USP6NL: variants seen among roughly 807,000 people sequenced by gnomAD.
The protein encoded by USP6NL is USP6 N-terminal-like protein.
USP6NL carries 26 observed loss-of-function variants against 61.9 expected under a neutral mutation model. The ratio of observed to expected loss-of-function variants is 0.42; its 90% CI spans 0.31 to 0.58. The LOEUF (loss-of-function observed/expected upper bound fraction) is 0.58, where lower values mean the gene tolerates loss of function less well. Among genes scored for constraint, USP6NL ranks in the 20% least tolerant of loss-of-function variants. The pLI is 0.16. For synonymous variants in USP6NL, 432 were observed against 390.1 expected, an observed-to-expected ratio of 1.11 and a Z score of -1.27; for missense variants, 1,114 against 1,034.3, an observed-to-expected ratio of 1.08 and a Z score of -1.06.
intron 14 of USP6NL, among the ~76,000 whole-genome samples, chr10:11,473,751 C>A (rs572746191): frequency 6.6e-6 from 1 of 152,176 alleles, no homozygotes; most frequent in Non-Finnish European, 1.5e-5. Context: ...TAATACTGAT[C>A]GCAAACTCCC....
At chr10:11,608,889 C>T (rs1204492894) in intron 1 of USP6NL, among the ~76,000 whole-genome samples, 1 of 152,136 alleles carries the variant, frequency 6.6e-6, no homozygotes, top group Non-Finnish European at 1.5e-5. Context: ...CGCTCCAATT[C>T]CCATGCTTAA....
intron 2 of USP6NL, among the ~76,000 whole-genome samples, chr10:11,558,108 C>T (rs1022973120): frequency 4.6e-5 from 7 of 152,070 alleles, no homozygotes; most frequent in Admixed American, 3.3e-4. Context: ...ACAAAGTAGC[C>T]GTAAAGTTGA....
At chr10:11,563,234 G>T (rs1372154864) in intron 2 of USP6NL, 1 of 152,124 alleles carries the variant, frequency 6.6e-6, no homozygotes, top group African/African-American at 2.4e-5. Flanking sequence ...TAAATTTATA[G>T]AGATGGAGAA....
rs75137335 is a variant in USP6NL, at chr10:11,510,747, C to T, written c.196-1072G>A. On this transcript the variant is annotated intron_variant, in intron 5 of 14. Transcript: ENST00000609104. The surrounding 1 kb of genome is among the most constrained non-coding windows in gnomAD (Gnocchi z 4.8). ...AGGATGCATGCTCACTGCAACCCCA[C>T]GAGGTAGGTATGATTGTCACCATTT... Among the ~76,000 whole-genome samples, 88 of 152,368 alleles carry T rather than the reference C, an allele frequency of 5.8e-4. 1 individual carries two copies. The East Asian group carries it at 0.012, about 20-fold the overall frequency.
rs1832696224 is a variant in USP6NL, at chr10:11,470,550, C to A, written c.1079-6701G>T. 6.6e-6 allele frequency among the ~76,000 whole-genome samples: 1 copy of A among 152,182 alleles called. No individual in the cohort carries two copies. The highest frequency in any genetic ancestry group is 6.5e-5 in the Admixed American group (1 of 15,286). Reference sequence around the variant, plus strand: ...CCAATTAGTATTCTCTACCCTTCTTCACAGAAGTAGGTCCAAATAAAGCAT... The same window carrying A: ...CCAATTAGTATTCTCTACCCTTCTTAACAGAAGTAGGTCCAAATAAAGCAT... On this transcript the variant is annotated intron_variant, in intron 14 of 14. Coordinates refer to ENST00000609104, the MANE Select transcript of USP6NL (RefSeq NM_014688.5). The surrounding 1 kb of genome is among the most constrained non-coding windows in gnomAD (Gnocchi z 5.4).
chr10:11,522,743 T>G (rs973818986), intron 4 of USP6NL, among the ~76,000 whole-genome samples: 1 of 152,252 alleles, frequency 6.6e-6, no homozygotes, highest in African/African-American at 2.4e-5. Context: ...TTTCAAACAG[T>G]ATCCTTCTCT....
Position 11,562,153 on chromosome 10 carries a change from G to A in USP6NL, c.5-34586C>T, listed in dbSNP as rs143227714. Among the ~76,000 whole-genome samples the A allele has an allele frequency of 0.016, 2,385 of 151,866 alleles. 56 individuals carry two copies. The highest frequency in any genetic ancestry group is 0.054 in the African/African-American group (2,230 of 41,410). On this transcript the variant is annotated intron_variant, in intron 2 of 14. Transcript: ENST00000609104. The surrounding 1 kb of genome is among the most constrained non-coding windows in gnomAD (Gnocchi z 4.8). ...AAATTAGCTGGATGTGGTGGCTGGC[G>A]CCTGTAATCCCAGCTACTTGGGAGG...
chr10:11,475,346 G>C (rs1355917776), intron 14 of USP6NL, among the ~76,000 whole-genome samples: 1 of 150,562 alleles, frequency 6.6e-6, no homozygotes, highest in Non-Finnish European at 1.5e-5. Context: ...GGTGGCTCAC[G>C]CCTGTAATCC....
chr10:11,581,907 G>T (rs1030903866), intron 2 of USP6NL, among the ~76,000 whole-genome samples: 1 of 152,164 alleles, frequency 6.6e-6, no homozygotes, highest in African/African-American at 2.4e-5. Flanking sequence ...CCAGTAGCTG[G>T]AATTACAGGT....
chr10:11,523,741 T>C (rs567563151), intron 4 of USP6NL, among the ~76,000 whole-genome samples: 1 of 152,252 alleles, frequency 6.6e-6, no homozygotes, highest in Non-Finnish European at 1.5e-5. Context: ...GGTTTCCCTA[T>C]GTATTTTATA....
rs753670344 is a variant in USP6NL, at chr10:11,462,981, G to A, written c.1947C>T (p.Ala649=). The A allele has an allele frequency of 6.2e-7, 1 of 1,613,966 alleles. No homozygotes were observed. The highest frequency in any genetic ancestry group is 2.2e-5 in the East Asian group (1 of 44,892). ...HGNSPKHFPT[A]NSSFASPQFS... ...ACTGTGGAGAAGCAAAGCTGCTGTT[G>A]GCAGTAGGGAAGTGTTTGGGAGAGT... The change falls in exon 15 of 15, where the codon GCC becomes GCT. Residue 649 remains alanine, a synonymous_variant. Coordinates refer to ENST00000609104, the MANE Select transcript of USP6NL (RefSeq NM_014688.5).
chr10:11,476,931 G>A lies in USP6NL; in HGVS notation c.1078+4839C>T, dbSNP rs1350534646. ...CTGTCACCCAGGCTGAAGTGCAGTG[G>A]TGCGATCTTGACTCACTGCAACCTC... On this transcript the variant is annotated intron_variant, in intron 14 of 14. Transcript: ENST00000609104. This position sits in a 1 kb window ranked among gnomAD's most constrained non-coding sequence, Gnocchi z 4.3. Among the ~76,000 whole-genome samples, 1 of 152,150 alleles carries A rather than the reference G, an allele frequency of 6.6e-6. No homozygotes were observed. Among genetic ancestry groups the A allele is most frequent in the Non-Finnish European group, 1.5e-5 (1 of 68,020 alleles).
In USP6NL at chr10:11,553,712, A is replaced by C. The variant is rs936305243; in HGVS notation, c.5-26145T>G. On this transcript the variant is annotated intron_variant, in intron 2 of 14. Coordinates refer to ENST00000609104, the MANE Select transcript of USP6NL (RefSeq NM_014688.5). This position sits in a 1 kb window ranked among gnomAD's most constrained non-coding sequence, Gnocchi z 4.8. ...GAGTTAAGAGACCAGCCTGACCAAC[A>C]TGATGAAACCCCGTCTCTACTAAAA... Among the ~76,000 whole-genome samples the C allele has an allele frequency of 1.3e-5, 2 of 152,092 alleles. No individual in the cohort carries two copies. Among genetic ancestry groups the C allele is most frequent in the Non-Finnish European group, 2.9e-5 (2 of 68,016 alleles).
rs545481746 is a variant in USP6NL at position 11,494,727 on chromosome 10, CAG to C, written c.385-1501_385-1500del. 5.0e-3 allele frequency among the ~76,000 whole-genome samples: 735 copies of C among 145,930 alleles called. 7 individuals carry two copies. Among genetic ancestry groups the C allele is most frequent in the African/African-American group, 0.017 (689 of 39,686 alleles). On this transcript the variant is annotated intron_variant, in intron 7 of 14. Coordinates refer to ENST00000609104, the MANE Select transcript of USP6NL (RefSeq NM_014688.5). ...GCCCTTTCCTGCCTGGCAGCTGAGG[CAG>C]AGAGAGAGAGGGAGACAGAGAGACA...
Position 11,485,867 on chromosome 10 carries a change from G to A in USP6NL, c.709C>T (p.His237Tyr). 1 of 1,555,938 alleles carries A rather than the reference G, an allele frequency of 6.4e-7. No individual in the cohort carries two copies. Among genetic ancestry groups the A allele is most frequent in the Non-Finnish European group, 8.7e-7 (1 of 1,149,820 alleles). Residue 237 changes from histidine to tyrosine, a missense_variant, in exon 11 of 15, where the codon CAT (histidine) becomes TAT (tyrosine). Transcript: ENST00000609104. This position sits in a 1 kb window ranked among gnomAD's most constrained non-coding sequence, Gnocchi z 4.8. ...AATTTGTTCAGTATTTTTTCATGAT[G>A]TTCTTGAAACCTCAAGAGTTTAGGA... Reference protein sequence around the residue: ...GFPKLLRFQEHHEKILNKFLS... With the variant: ...GFPKLLRFQEYHEKILNKFLS...
intron 2 of USP6NL, chr10:11,573,756 CTT>C (rs922813256): frequency 2.0e-5 from 8 of 397,944 alleles, no homozygotes; most frequent in Middle Eastern, 6.2e-4. Flanking sequence ...CTCATTTCTG[CTT>C]TCAGAAAGCT....
chr10:11,483,651 G>GGGGGAGGTACT, intron 13 of USP6NL, among the ~76,000 whole-genome samples: 1 of 14,806 alleles, frequency 6.8e-5, no homozygotes, highest in East Asian at 4.4e-3. Context: ...GAGGGGGAGA[G>GGGGGAGGTACT]GGGGGAGAGG....
At chr10:11,526,880 G>A (rs1436754204) in intron 3 of USP6NL, among the ~76,000 whole-genome samples, 1 of 152,020 alleles carries the variant, frequency 6.6e-6, no homozygotes, top group Non-Finnish European at 1.5e-5. Context: ...AAACGTTAAT[G>A]GAAATTATAC....
intron 14 of USP6NL, among the ~76,000 whole-genome samples, chr10:11,469,660 G>T (rs1019934071): frequency 3.9e-5 from 6 of 152,200 alleles, no homozygotes; most frequent in African/African-American, 1.2e-4. Context: ...TTCAAATACA[G>T]GTGCTGAAAA....
Sources: allele counts gnomAD v4.1 joint callset (sites outside exome capture counted in the v4.1 genomes callset), GRCh38; gene constraint gnomAD v4.1.1; non-coding constraint Gnocchi (gnomAD v3.1); transcripts MANE v1.5; gene names NCBI Gene and HGNC (gene_info 2026-07-23, HGNC 2026-07-21).